The following KIRREL3 variants were observed in gnomAD, a reference collection of about 807,000 sequenced individuals.
KIRREL3 encodes the protein kirre like nephrin family adhesion molecule 3.
Under a neutral mutation model 89.7 loss-of-function variants are expected in KIRREL3, and 36 were observed. The observed-to-expected ratio is 0.40, with a 90% confidence interval of 0.31 to 0.53. The LOEUF is 0.53. Among genes scored for constraint, KIRREL3 ranks in the 20% least tolerant of loss-of-function variants. The pLI, the probability that KIRREL3 is intolerant of heterozygous loss-of-function variation, is 0.49. For synonymous variants in KIRREL3, 445 were observed against 441.4 expected (o/e 1.01, Z -0.10); for missense variants, 864 against 1,056.6 (o/e 0.82, Z 2.53).
intron 2 of KIRREL3, among the ~76,000 whole-genome samples, chr11:126,542,015 C>T (rs533188056): frequency 7.2e-5 from 11 of 152,308 alleles, no homozygotes; most frequent in African/African-American, 2.2e-4. Flanking sequence ...AGCCCTGCAG[C>T]GGGCCCTCAG....
rs4937172 is a variant in KIRREL3, at chr11:126,655,580, G to C, written c.56-92668C>G. 1.3e-5 allele frequency among the ~76,000 whole-genome samples: 2 copies of C among 152,014 alleles called. No homozygotes were observed. Among genetic ancestry groups the C allele is most frequent in the African/African-American group, 4.8e-5 (2 of 41,374 alleles). On this transcript the variant is annotated intron_variant, in intron 1 of 16. Coordinates refer to ENST00000525144, the MANE Select transcript of KIRREL3 (RefSeq NM_032531.4). The surrounding 1 kb of genome is among the most constrained non-coding windows in gnomAD (Gnocchi z 5.0). ...GGCAGCTACTGTGTGTCCCCCTGGG[G>C]ACTGGAACCACTTTGCAAAGAGCGC... is the stretch of plus-strand genomic sequence containing the variant.
At chr11:126,825,993 C>T (rs1022535015) in intron 1 of KIRREL3, among the ~76,000 whole-genome samples, 2 of 152,166 alleles carry the variant, frequency 1.3e-5, no homozygotes, top group Admixed American at 6.5e-5. Context: ...CTTTTCTAGT[C>T]ACTCCCCTTC....
rs1448032703 is a variant in KIRREL3 at position 126,476,317 on chromosome 11, G to A, written c.434-2851C>T. ...GTCCCATGGCAGGACCAGCTTTCTG[G>A]GCTCTGGACTCTGGGCTGAGGGGCA... is the stretch of plus-strand genomic sequence containing the variant. On this transcript the variant is annotated intron_variant, in intron 4 of 16. Transcript: ENST00000525144. The surrounding 1 kb of genome is among the most constrained non-coding windows in gnomAD (Gnocchi z 6.4). Among the ~76,000 whole-genome samples, 1 of 152,204 alleles carries A rather than the reference G, an allele frequency of 6.6e-6. No individual in the cohort carries two copies. The highest frequency in any genetic ancestry group is 1.5e-5 in the Non-Finnish European group (1 of 68,036).
intron 4 of KIRREL3, among the ~76,000 whole-genome samples, chr11:126,503,687 T>C (rs1957934188): frequency 1.3e-5 from 2 of 152,154 alleles, no homozygotes; most frequent in South Asian, 4.1e-4. Context: ...TAGGGTTAGA[T>C]ACTGGGAGGT....
At chr11:126,511,224 T>C (rs1043878967) in intron 4 of KIRREL3, among the ~76,000 whole-genome samples, 38 of 151,782 alleles carry the variant, frequency 2.5e-4, no homozygotes, top group African/African-American at 9.0e-4. Context: ...CTTGGGAGGC[T>C]GAGGCAAGAT....
chr11:126,485,172 CACA>C lies in KIRREL3; in HGVS notation c.434-11709_434-11707del, dbSNP rs1957324129. Among the ~76,000 whole-genome samples the C allele has an allele frequency of 6.6e-6, 1 of 152,074 alleles. No homozygotes were observed. Among genetic ancestry groups the C allele is most frequent in the Admixed American group, 6.5e-5 (1 of 15,280 alleles). On this transcript the variant is annotated intron_variant, in intron 4 of 16. Coordinates refer to ENST00000525144, the MANE Select transcript of KIRREL3 (RefSeq NM_032531.4). This position sits in a 1 kb window ranked among gnomAD's most constrained non-coding sequence, Gnocchi z 5.8. ...TCCGATATATTTGGCAGCACAATCG[CACA>C]GACGTGTCTCCAAGGAGGTTGGGGA...
rs1229043926 is a variant in KIRREL3 at position 126,443,761 on chromosome 11, T to G, written c.1252+1218A>C. ...AGGAAGCTGAAGCCCACGAGCTAAT[T>G]TGGAGACCTCAGGAGGGCCCTGCTC... is the stretch of plus-strand genomic sequence containing the variant. On this transcript the variant is annotated intron_variant, in intron 10 of 16. Transcript: ENST00000525144. This position sits in a 1 kb window ranked among gnomAD's most constrained non-coding sequence, Gnocchi z 7.3. 6.6e-6 allele frequency among the ~76,000 whole-genome samples: 1 copy of G among 152,046 alleles called. No individual in the cohort carries two copies. The highest frequency in any genetic ancestry group is 1.5e-5 in the Non-Finnish European group (1 of 68,000).
chr11:126,479,909 C>G (rs545454122), intron 4 of KIRREL3, among the ~76,000 whole-genome samples: 4 of 152,272 alleles, frequency 2.6e-5, no homozygotes, highest in African/African-American at 9.6e-5. Flanking sequence ...CAGAGGGCAC[C>G]CTCTCTGAGC....
Position 126,977,670 on chromosome 11 carries a change from G to A in KIRREL3, c.55+22785C>T, listed in dbSNP as rs1246767342. Among the ~76,000 whole-genome samples, 2 of 152,216 alleles carry A rather than the reference G, an allele frequency of 1.3e-5. No homozygotes were observed. The highest frequency in any genetic ancestry group is 2.9e-5 in the Non-Finnish European group (2 of 68,042). ...TGTTCGATAAATATTTGTTGAAAAA[G>A]TGAAAATGAGTTAGACTTGAGCCCA... On this transcript the variant is annotated intron_variant, in intron 1 of 16. Coordinates refer to ENST00000525144, the MANE Select transcript of KIRREL3 (RefSeq NM_032531.4). The surrounding 1 kb of genome is among the most constrained non-coding windows in gnomAD (Gnocchi z 4.7).
chr11:126,625,611 T>C (rs115022113), intron 1 of KIRREL3, among the ~76,000 whole-genome samples: 3,402 of 152,144 alleles, frequency 0.022, 129 homozygotes, highest in African/African-American at 0.076. Context: ...TCACAATCTC[T>C]CCCCCAAGCC....
In KIRREL3 at chr11:126,624,862, C is replaced by T. The variant is rs946352895; in HGVS notation, c.56-61950G>A. Among the ~76,000 whole-genome samples the T allele has an allele frequency of 2.3e-4, 35 of 152,120 alleles. No individual in the cohort carries two copies. The highest frequency in any genetic ancestry group is 1.5e-5 in the Non-Finnish European group (1 of 68,026). ...ACTGACCCAGGGCTTGGGGAGATAGCCTGCACTTTCTCCAGACCTACCATC... is the reference window on the plus strand; with the variant it reads ...ACTGACCCAGGGCTTGGGGAGATAGTCTGCACTTTCTCCAGACCTACCATC... On this transcript the variant is annotated intron_variant, in intron 1 of 16. Coordinates refer to ENST00000525144, the MANE Select transcript of KIRREL3 (RefSeq NM_032531.4). The surrounding 1 kb of genome is among the most constrained non-coding windows in gnomAD (Gnocchi z 6.0).
chr11:126,702,681 C>T (rs924077411), intron 1 of KIRREL3, among the ~76,000 whole-genome samples: 11 of 152,264 alleles, frequency 7.2e-5, no homozygotes, highest in Admixed American at 5.9e-4. Flanking sequence ...TTCCCTGCCT[C>T]GTCCCACCCT....
intron 7 of KIRREL3, among the ~76,000 whole-genome samples, chr11:126,449,716 A>G (rs1955956417): frequency 6.6e-6 from 1 of 152,226 alleles, no homozygotes; most frequent in East Asian, 1.9e-4. Flanking sequence ...ACAGTGGAAT[A>G]CTAATACCCA....
chr11:126,507,541 C>T (rs1453139035), intron 4 of KIRREL3, among the ~76,000 whole-genome samples: 2 of 152,192 alleles, frequency 1.3e-5, no homozygotes, highest in Non-Finnish European at 2.9e-5. Flanking sequence ...TTTCGTCTAA[C>T]TCCCTCCGCT....
rs112697095 is a variant in KIRREL3 at position 126,999,950 on chromosome 11, C to A, written c.55+505G>T. ...TGCAAATTACCCCCCACAATACATTCTGTAATTGCAACCCCCTTTTCAACG... is the reference window on the plus strand; with the variant it reads ...TGCAAATTACCCCCCACAATACATTATGTAATTGCAACCCCCTTTTCAACG... On this transcript the variant is annotated intron_variant, in intron 1 of 16. Transcript: ENST00000525144. This position sits in a 1 kb window ranked among gnomAD's most constrained non-coding sequence, Gnocchi z 5.7. Among the ~76,000 whole-genome samples the A allele has an allele frequency of 6.6e-6, 1 of 152,148 alleles. No homozygotes were observed. Among genetic ancestry groups the A allele is most frequent in the African/African-American group, 2.4e-5 (1 of 41,406 alleles).
At chr11:126,658,321 G>A (rs961744840) in intron 1 of KIRREL3, among the ~76,000 whole-genome samples, 4 of 152,242 alleles carry the variant, frequency 2.6e-5, no homozygotes, top group African/African-American at 7.2e-5. Flanking sequence ...ATTATCTAGG[G>A]AAACTCATAA....
Position 126,608,276 on chromosome 11 carries a change from G to A in KIRREL3, c.56-45364C>T, listed in dbSNP as rs973342826. Among the ~76,000 whole-genome samples the A allele has an allele frequency of 2.6e-5, 4 of 152,198 alleles. No individual in the cohort carries two copies. The highest frequency in any genetic ancestry group is 2.1e-4 in the South Asian group (1 of 4,834). On this transcript the variant is annotated intron_variant, in intron 1 of 16. Transcript: ENST00000525144. This position sits in a 1 kb window ranked among gnomAD's most constrained non-coding sequence, Gnocchi z 4.9. ...GGAGCCTCCTATCCACCTGGCAGGC[G>A]TTTGGAACAACGTGCTGAATAACAG...
rs1374413231 is a variant in KIRREL3 at position 126,976,608 on chromosome 11, G to T, written c.55+23847C>A. 6.6e-6 allele frequency among the ~76,000 whole-genome samples: 1 copy of T among 152,048 alleles called. No individual in the cohort carries two copies. The highest frequency in any genetic ancestry group is 2.1e-4 in the South Asian group (1 of 4,818). ...TTCAGTGTTCTGGGAAGTTAATTTT[G>T]TTGAATCTAGTAATCAGATTTGTTT... On this transcript the variant is annotated intron_variant, in intron 1 of 16. Transcript: ENST00000525144. The surrounding 1 kb of genome is among the most constrained non-coding windows in gnomAD (Gnocchi z 4.2).
At position 126,610,245 on chromosome 11, in the gene KIRREL3, C is replaced by T. The variant is rs1052188711; in HGVS notation, c.56-47333G>A. Among the ~76,000 whole-genome samples, 3 of 152,120 alleles carry T rather than the reference C, an allele frequency of 2.0e-5. No individual in the cohort carries two copies. The highest frequency in any genetic ancestry group is 4.4e-5 in the Non-Finnish European group (3 of 68,034). Reference sequence around the variant, plus strand: ...GGCTGGGATTACAGGCATGCACCACCACGCCTGGCTAATTTTTGTATTTTT... The same window carrying T: ...GGCTGGGATTACAGGCATGCACCACTACGCCTGGCTAATTTTTGTATTTTT... On this transcript the variant is annotated intron_variant, in intron 1 of 16. Coordinates refer to ENST00000525144, the MANE Select transcript of KIRREL3 (RefSeq NM_032531.4). This position sits in a 1 kb window ranked among gnomAD's most constrained non-coding sequence, Gnocchi z 4.6.
Sources: gnomAD v4.1 joint callset for allele counts (sites outside exome capture counted in the v4.1 genomes callset) on GRCh38, gnomAD v4.1.1 for gene constraint, Gnocchi (gnomAD v3.1) non-coding constraint, MANE v1.5 for transcripts, NCBI Gene and HGNC (gene_info 2026-07-23, HGNC 2026-07-21) for gene names.